Variants in MACROD2 observed in about 807,000 individuals in gnomAD.
MACROD2 encodes ADP-ribose glycohydrolase MACROD2.
MACROD2 carries 36 observed loss-of-function variants against 70.4 expected under a neutral mutation model. The observed-to-expected ratio is 0.51, with a 90% CI of 0.39 to 0.68. The LOEUF (loss-of-function observed/expected upper bound fraction) is 0.68, where lower values mean the gene tolerates loss of function less well. Among genes scored for constraint, MACROD2 ranks in the 30% least tolerant of loss-of-function variants. The pLI is 0.00. For missense variants in MACROD2, 496 were observed against 538.4 expected (o/e 0.92, Z 0.78); for synonymous variants, 172 against 178.8 (o/e 0.96, Z 0.30).
At chr20:15,081,608 A>G (rs917868101) in intron 5 of MACROD2, among the ~76,000 whole-genome samples, 1 of 152,148 alleles carries the variant, frequency 6.6e-6, no homozygotes, top group Non-Finnish European at 1.5e-5. Context: ...AACACTCTCT[A>G]TATCATATGG....
intron 8 of MACROD2, among the ~76,000 whole-genome samples, chr20:15,618,242 C>G (rs891662368): frequency 3.3e-5 from 5 of 151,868 alleles, no homozygotes; most frequent in Admixed American, 3.3e-4. Context: ...GGACAGTATG[C>G]TTTTTAAATG....
chr20:15,296,363 G>A (rs2077588733), intron 6 of MACROD2, among the ~76,000 whole-genome samples: 1 of 152,044 alleles, frequency 6.6e-6, no homozygotes, highest in South Asian at 2.1e-4. Flanking sequence ...ACATCCACCT[G>A]AAGCAAATGT....
At chr20:14,165,811 G>T (rs1601301179) in intron 3 of MACROD2, among the ~76,000 whole-genome samples, 1 of 152,286 alleles carries the variant, frequency 6.6e-6, no homozygotes, top group East Asian at 1.9e-4. Context: ...TCGGTTATCA[G>T]TGTGGAAATT....
intron 5 of MACROD2, among the ~76,000 whole-genome samples, chr20:15,134,240 C>T (rs550615164): frequency 4.1e-5 from 6 of 148,078 alleles, no homozygotes; most frequent in Admixed American, 1.3e-4. Context: ...CAACCTTGCC[C>T]GAGCCGGGCA....
chr20:15,816,824 C>T (rs2063881393), intron 8 of MACROD2, among the ~76,000 whole-genome samples: 1 of 152,150 alleles, frequency 6.6e-6, no homozygotes, highest in African/African-American at 2.4e-5. Flanking sequence ...AGAAAGAGGA[C>T]TTTAACCTGT....
intron 3 of MACROD2, among the ~76,000 whole-genome samples, chr20:14,169,504 A>C (rs921931284): frequency 1.3e-5 from 2 of 151,892 alleles, no homozygotes; most frequent in Non-Finnish European, 1.5e-5. Context: ...GGGTTTCTCC[A>C]TGTTGGTCAG....
intron 8 of MACROD2, among the ~76,000 whole-genome samples, chr20:15,761,829 C>A (rs1284345941): frequency 6.6e-6 from 1 of 152,222 alleles, no homozygotes; most frequent in Non-Finnish European, 1.5e-5. Flanking sequence ...CAAAGCAACT[C>A]ATTTTCCCCA....
At chr20:15,626,125 C>T (rs200760) in intron 8 of MACROD2, among the ~76,000 whole-genome samples, 57,587 of 151,838 alleles carry the variant, frequency 0.38, 11,628 homozygotes, top group African/African-American at 0.52. Context: ...CAAGGGAAAA[C>T]TGGCAGAAAT....
chr20:15,566,388 C>CT (rs1393714759), intron 8 of MACROD2, among the ~76,000 whole-genome samples: 4 of 151,268 alleles, frequency 2.6e-5, no homozygotes, highest in Non-Finnish European at 5.9e-5. Context: ...ATCCCAGCTA[C>CT]TCGGGAGGCT....
chr20:14,264,501 A>G (rs1403935855), intron 3 of MACROD2, among the ~76,000 whole-genome samples: 1 of 152,222 alleles, frequency 6.6e-6, no homozygotes, highest in Non-Finnish European at 1.5e-5. Context: ...GGTAAAAAGG[A>G]AGACCAAGTC....
intron 5 of MACROD2, among the ~76,000 whole-genome samples, chr20:14,913,170 C>T (rs1056095513): frequency 6.6e-6 from 1 of 151,890 alleles, no homozygotes; most frequent in Admixed American, 6.6e-5. Context: ...ATAGAAAGAT[C>T]CATGTTTCAG....
chr20:15,575,057 T>G (rs910817965), intron 8 of MACROD2, among the ~76,000 whole-genome samples: 4 of 152,184 alleles, frequency 2.6e-5, no homozygotes, highest in Non-Finnish European at 4.4e-5. Context: ...TTACCACGTC[T>G]TTTACTCATC....
At chr20:14,709,268 C>A (rs1278446953) in intron 5 of MACROD2, among the ~76,000 whole-genome samples, 2 of 151,338 alleles carry the variant, frequency 1.3e-5, no homozygotes, top group African/African-American at 4.9e-5. Context: ...AGTTCTAAAT[C>A]TTTAATTTGG....
intron 5 of MACROD2, among the ~76,000 whole-genome samples, chr20:15,148,621 T>G (rs562024158): frequency 6.6e-6 from 1 of 151,786 alleles, no homozygotes; most frequent in Non-Finnish European, 1.5e-5. Context: ...GATGACAAGT[T>G]TTTTGGGGCG....
At chr20:16,014,596 G>A (rs899286043) in intron 15 of MACROD2, among the ~76,000 whole-genome samples, 8 of 152,122 alleles carry the variant, frequency 5.3e-5, no homozygotes, top group African/African-American at 1.9e-4. Flanking sequence ...TCACCATCTG[G>A]GTTCAACAGA....
intron 8 of MACROD2, among the ~76,000 whole-genome samples, chr20:15,549,866 T>C (rs922836375): frequency 6.6e-6 from 1 of 152,202 alleles, no homozygotes; most frequent in African/African-American, 2.4e-5. Context: ...CCTTTTTTTT[T>C]TCAGCGCTAT....
intron 5 of MACROD2, among the ~76,000 whole-genome samples, chr20:14,731,599 T>C (rs560345927): frequency 9.5e-4 from 145 of 152,310 alleles, no homozygotes; most frequent in African/African-American, 3.4e-3. Context: ...AATTTCTATA[T>C]GATTTGGGGA....
At chr20:15,668,196 G>T (rs2049927505) in intron 8 of MACROD2, among the ~76,000 whole-genome samples, 1 of 151,520 alleles carries the variant, frequency 6.6e-6, no homozygotes, top group Non-Finnish European at 1.5e-5. Context: ...GGAGGCCGAG[G>T]TTGCAGTCAG....
chr20:16,035,164 A>AAATAT (rs2067215117), intron 15 of MACROD2, among the ~76,000 whole-genome samples: 2 of 67,144 alleles, frequency 3.0e-5, no homozygotes, highest in Admixed American at 2.0e-4. Context: ...ATATAATATA[A>AAATAT]AATATAAAAT....
Sources: allele counts gnomAD v4.1 joint callset (sites outside exome capture counted in the v4.1 genomes callset), GRCh38; gene constraint gnomAD v4.1.1; transcripts MANE v1.5; gene names NCBI Gene and HGNC (gene_info 2026-07-23, HGNC 2026-07-21).